GRB7: variants seen among roughly 807,000 people sequenced by gnomAD.
GRB7 encodes the protein growth factor receptor bound protein 7, also known as growth factor receptor-bound protein 7.
Under a neutral mutation model 64.1 loss-of-function variants are expected in GRB7, and 47 were observed. The observed-to-expected ratio is 0.73, with a 90% CI of 0.58 to 0.94. The LOEUF (loss-of-function observed/expected upper bound fraction) is 0.94. GRB7 is among the 40% of genes least tolerant of loss of function. The pLI is 0.00. For synonymous variants in GRB7, 277 were observed against 279.9 expected (o/e 0.99, Z 0.10); for missense variants, 634 against 718.4 (o/e 0.88, Z 1.34).
intron 6 of GRB7, among the ~76,000 whole-genome samples, chr17:39,743,859 G>A (rs1036837980): frequency 6.6e-6 from 1 of 151,478 alleles, no homozygotes; most frequent in African/African-American, 2.4e-5. Flanking sequence ...CAGGAATGGT[G>A]GCATGAGCCT....
intron 14 of GRB7, 104 bp from the exon 15 acceptor site, chr17:39,746,647 A>AAAG (rs377395160): frequency 2.2e-6 from 1 of 458,276 alleles, no homozygotes; most frequent in Admixed American, 5.5e-5. Flanking sequence ...AAAGAAAAAG[A>AAAG]AAAAAGAAAA....
chr17:39,739,776 G>A (rs776029296), intron 1 of GRB7, among the ~76,000 whole-genome samples: 3 of 152,204 alleles, frequency 2.0e-5, no homozygotes, highest in East Asian at 1.9e-4. Flanking sequence ...CTCGTTGAGG[G>A]GACAAACTGA....
intron 1 of GRB7, among the ~76,000 whole-genome samples, chr17:39,740,392 G>A (rs1486189127): frequency 1.3e-5 from 2 of 152,180 alleles, no homozygotes; most frequent in African/African-American, 2.4e-5. Flanking sequence ...AATGTGTCAG[G>A]AGGAACTTCA....
At position 39,745,494 on chromosome 17, in the gene GRB7, C is replaced by A. The variant is rs754805637; in HGVS notation, c.1165C>A (p.Arg389=). The change falls in exon 11 of 15, where the codon CGG becomes AGG. Residue 389 remains arginine (R), a synonymous_variant. Transcript: ENST00000309156. The stretch of plus-strand genomic sequence containing the variant: ...TGCTGGGCGTGTCATTGAGAACCCC[C>A]GGGAGGCTCTGAGTGTGGCCCTGGA... ...GHAGRVIENP[R]EALSVALEEA... 6.2e-7 allele frequency: 1 copy of A among 1,613,988 alleles called. No homozygotes were observed. Among genetic ancestry groups the A allele is most frequent in the Non-Finnish European group, 8.5e-7 (1 of 1,180,002 alleles).
chr17:39,741,617 GA>G lies in GRB7; in HGVS notation c.-50-634del, dbSNP rs545341576. On this transcript the variant is annotated intron_variant, in intron 1 of 14. Coordinates refer to ENST00000309156, the MANE Select transcript of GRB7 (RefSeq NM_005310.5). ...AGGCAAAGGAGTGGGCCTTTGCCCT[GA>G]CCCTGAGGGCTGAGCCTGAGAGTCT... Among the ~76,000 whole-genome samples the G allele has an allele frequency of 7.0e-3, 1,073 of 152,360 alleles. 10 individuals carry two copies. The highest frequency in any genetic ancestry group is 0.025 in the African/African-American group (1,033 of 41,580).
In GRB7 at chr17:39,742,602, C is replaced by T. The variant is rs1328715959; in HGVS notation, c.192C>T (p.Leu64=). The T allele has an allele frequency of 1.9e-6, 3 of 1,613,688 alleles. No individual in the cohort carries two copies. The African/African-American group carries it at 4.0e-5, about 22-fold the overall frequency. ...AGGAGGAGAGGCGTGCCACCTCCCT[C>T]CCCTCTATCCCCAACCCCTTCCCTG... ...LREEERRATS[L]PSIPNPFPEL... The change falls in exon 3 of 15, where the codon CTC becomes CTT. Residue 64 remains leucine (L), a synonymous_variant. Coordinates refer to ENST00000309156, the MANE Select transcript of GRB7 (RefSeq NM_005310.5).
chr17:39,744,533 T>C lies in GRB7; in HGVS notation c.802-20T>C. The C allele has an allele frequency of 1.3e-5, 21 of 1,581,574 alleles. No individual in the cohort carries two copies. Among genetic ancestry groups the C allele is most frequent in the Non-Finnish European group, 1.7e-5 (20 of 1,160,996 alleles). On this transcript the variant is annotated intron_variant, in intron 7 of 14. Transcript: ENST00000309156. Reference sequence around the variant, plus strand: ...GGCGGGATCTACCTGTACCAAGTCCTGCTCACTCATGCTGCTTAGGATCCG... The same window carrying C: ...GGCGGGATCTACCTGTACCAAGTCCCGCTCACTCATGCTGCTTAGGATCCG...
chr17:39,738,885 A>C, intron 1 of GRB7: 2 of 1,534,960 alleles, frequency 1.3e-6, no homozygotes, highest in Non-Finnish European at 1.7e-6. Context: ...CCTTCTCAGC[A>C]ACACCGCCTC....
Position 39,744,956 on chromosome 17 carries a change from G to T in GRB7, c.983G>T (p.Cys328Phe). ...AGTGAAGATGAGCAGAGCCGCACCT[G>T]CTGGCTGGCTGCCTTCCGCCTCTTC... ...FCSEDEQSRT[C>F]WLAAFRLFKY... Residue 328 changes from cysteine (C) to phenylalanine (F), a missense_variant, in exon 9 of 15, where the codon TGC becomes TTC. By Grantham distance (205) the Cys-to-Phe change is radical. This residue lies in a region of GRB7 where 467 missense variants were observed against 576.6 expected (regional missense o/e 0.81). Coordinates refer to ENST00000309156, the MANE Select transcript of GRB7 (RefSeq NM_005310.5). 6.2e-7 allele frequency: 1 copy of T among 1,613,886 alleles called. No individual in the cohort carries two copies. The highest frequency in any genetic ancestry group is 8.5e-7 in the Non-Finnish European group (1 of 1,179,878).
chr17:39,740,379 G>A (rs1446193619), intron 1 of GRB7, among the ~76,000 whole-genome samples: 1 of 152,186 alleles, frequency 6.6e-6, no homozygotes, highest in Non-Finnish European at 1.5e-5. Flanking sequence ...GGACACCCAG[G>A]AGAATGTGTC....
In GRB7 at chr17:39,742,427, C is replaced by A; in HGVS notation, c.126C>A (p.Ser42=). 6.2e-7 allele frequency: 1 copy of A among 1,613,978 alleles called. No homozygotes were observed. Among genetic ancestry groups the A allele is most frequent in the Non-Finnish European group, 8.5e-7 (1 of 1,179,992 alleles). Residue 42 remains serine, a synonymous_variant, in exon 2 of 15, where the codon TCC becomes TCA. Transcript: ENST00000309156. The part of the protein sequence containing the change: ...DTPLPEEVKR[S]QPLLIPTTGR... ...CTCTGCCTGAGGAGGTAAAGAGGTC[C>A]CAGCCTCTCCTCATCCCAACCACCG...
At chr17:39,743,760 A>C in intron 6 of GRB7, 1 of 507,500 alleles carries the variant, frequency 2.0e-6, no homozygotes, top group Non-Finnish European at 3.5e-6. Context: ...GGATTACTTA[A>C]GCCTAGAAGT....
intron 9 of GRB7, 111 bp downstream of exon 9, chr17:39,745,095 C>T (rs924713503): frequency 3.6e-6 from 4 of 1,099,560 alleles, no homozygotes; most frequent in East Asian, 2.5e-5. Context: ...TCTCTGATAA[C>T]CCCCAGTCCA....
chr17:39,743,084 TG>T, intron 4 of GRB7, 30 bp downstream of exon 4: 1 of 1,597,050 alleles, frequency 6.3e-7, no homozygotes, highest in Non-Finnish European at 8.6e-7. Flanking sequence ...CTATCCGGGC[TG>T]GGAGATGATG....
At chr17:39,740,078 C>T in intron 1 of GRB7, 3 of 985,590 alleles carry the variant, frequency 3.0e-6, no homozygotes, top group Non-Finnish European at 3.6e-6. Context: ...ATTCTCTGCT[C>T]CTCTCCCCAC....
At position 39,745,483 on chromosome 17, in the gene GRB7, T is replaced by C. The variant is rs139669221; in HGVS notation, c.1154T>C (p.Ile385Thr). The C allele has an allele frequency of 6.2e-7, 1 of 1,613,994 alleles. No individual in the cohort carries two copies. Among genetic ancestry groups the C allele is most frequent in the Non-Finnish European group, 8.5e-7 (1 of 1,179,988 alleles). Residue 385 changes from isoleucine to threonine, a missense_variant, in exon 11 of 15, where the codon ATT (isoleucine) becomes ACT (threonine). Transcript: ENST00000309156. ...MDFSGHAGRVIENPREALSVA... is the reference protein window; with the variant it reads ...MDFSGHAGRVTENPREALSVA... ...TTCTCTGGCCATGCTGGGCGTGTCATTGAGAACCCCCGGGAGGCTCTGAGT... is the reference window on the plus strand; with the variant it reads ...TTCTCTGGCCATGCTGGGCGTGTCACTGAGAACCCCCGGGAGGCTCTGAGT...
rs533028636 is a variant in GRB7 at position 39,744,344 on chromosome 17, C to A, written c.801+137C>A. ...GCCACCTCCAGTTTACCATCTCTCC[C>A]TACATCCTTGCCTAGCTCACCTGCC... On this transcript the variant is annotated intron_variant, in intron 7 of 14. Coordinates refer to ENST00000309156, the MANE Select transcript of GRB7 (RefSeq NM_005310.5). The A allele has an allele frequency of 3.5e-5, 38 of 1,089,004 alleles. No homozygotes were observed. The African/African-American group carries it at 5.2e-4, about 15-fold the overall frequency. 67.5% of individuals were successfully genotyped at this position (1,089,004 alleles called of 1,614,324 possible). A position where few individuals can be genotyped will look rare whatever the true frequency, so the allele number is the denominator to read the frequency against.
At chr17:39,745,213 C>G in intron 9 of GRB7, 30 bp from the exon 10 acceptor site, 2 of 1,558,186 alleles carry the variant, frequency 1.3e-6, no homozygotes, top group African/African-American at 2.7e-5. Flanking sequence ...ACCTCTCGAC[C>G]TCAAGCTCTC....
intron 1 of GRB7, among the ~76,000 whole-genome samples, chr17:39,740,558 G>C (rs1453130908): frequency 6.6e-6 from 1 of 152,144 alleles, no homozygotes; most frequent in Non-Finnish European, 1.5e-5. Context: ...GTTTGGGACT[G>C]GGGGTGAGAG....
Sources: gnomAD v4.1 joint callset for allele counts (sites outside exome capture counted in the v4.1 genomes callset) on GRCh38, gnomAD v4.1.1 for gene constraint, gnomAD v4.1.1 regional missense constraint, MANE v1.5 for transcripts, NCBI Gene and HGNC (gene_info 2026-07-23, HGNC 2026-07-21) for gene names.